The following TBC1D22A variants were observed in gnomAD, a reference collection of about 807,000 sequenced individuals.
TBC1D22A encodes TBC1 domain family member 22A, also known as putative GTPase activator.
TBC1D22A carries 38 observed loss-of-function variants against 60.2 expected under a neutral mutation model. That is an observed-to-expected ratio of 0.63 (90% confidence interval 0.49 to 0.83). The LOEUF (loss-of-function observed/expected upper bound fraction) is 0.83. Among genes scored for constraint, TBC1D22A ranks in the 40% least tolerant of loss-of-function variants. The pLI, the probability that TBC1D22A is intolerant of heterozygous loss-of-function variation, is 0.00. For synonymous variants in TBC1D22A, 302 were observed against 281.7 expected, an observed-to-expected ratio of 1.07 and a Z score of -0.72; for missense variants, 628 against 701.0, an observed-to-expected ratio of 0.90 and a Z score of 1.18.
At chr22:47,087,438 A>G (rs1238971792) in intron 11 of TBC1D22A, among the ~76,000 whole-genome samples, 1 of 152,228 alleles carries the variant, frequency 6.6e-6, no homozygotes, top group African/African-American at 2.4e-5. Flanking sequence ...AAGAGAACCT[A>G]AACTATGTGT....
At chr22:47,108,821 G>A (rs2065736630) in intron 11 of TBC1D22A, among the ~76,000 whole-genome samples, 2 of 152,060 alleles carry the variant, frequency 1.3e-5, no homozygotes, top group Admixed American at 6.6e-5. Context: ...TCAGCCTGCC[G>A]AGTAGCTGGG....
rs114855910 is a variant in TBC1D22A, at chr22:46,965,720, C to T, written c.1016-8570C>T. 3.9e-3 allele frequency among the ~76,000 whole-genome samples: 597 copies of T among 152,344 alleles called. 4 individuals are homozygous for T. The highest frequency in any genetic ancestry group is 0.013 in the African/African-American group (559 of 41,584). On this transcript the variant is annotated intron_variant, in intron 8 of 12. Transcript: ENST00000337137. ...GGTGACATCTCGGCAGCAGGCACGACGTCTGCCTCATCCCGTCCCTGTGGC... is the reference window on the plus strand; with the variant it reads ...GGTGACATCTCGGCAGCAGGCACGATGTCTGCCTCATCCCGTCCCTGTGGC...
chr22:46,894,509 G>A (rs1385674398), intron 6 of TBC1D22A, among the ~76,000 whole-genome samples: 2 of 152,192 alleles, frequency 1.3e-5, no homozygotes, highest in Non-Finnish European at 2.9e-5. Context: ...AGCAGCCGAG[G>A]CCTGCTCTGT....
At chr22:46,765,227 T>C (rs983530129) in intron 1 of TBC1D22A, among the ~76,000 whole-genome samples, 2 of 152,216 alleles carry the variant, frequency 1.3e-5, no homozygotes, top group African/African-American at 4.8e-5. Flanking sequence ...GTCTTGTGGC[T>C]CAAGCCTCTG....
chr22:46,941,697 T>A (rs369839219), intron 8 of TBC1D22A, among the ~76,000 whole-genome samples: 2,809 of 60,702 alleles, frequency 0.046, 306 homozygotes, highest in African/African-American at 0.17. Context: ...TATACGCGGA[T>A]TATATATGCG....
At chr22:46,994,257 G>T (rs1436783328) in intron 9 of TBC1D22A, among the ~76,000 whole-genome samples, 1 of 152,204 alleles carries the variant, frequency 6.6e-6, no homozygotes, top group African/African-American at 2.4e-5. Context: ...CTAAAATCCT[G>T]TCTTAGTGGG....
At chr22:46,937,756 G>T (rs956965816) in intron 8 of TBC1D22A, among the ~76,000 whole-genome samples, 1 of 152,034 alleles carries the variant, frequency 6.6e-6, no homozygotes, top group Admixed American at 6.6e-5. Context: ...ATGTGATATT[G>T]ATGATCCTGT....
intron 8 of TBC1D22A, among the ~76,000 whole-genome samples, chr22:46,963,697 A>G (rs1482214531): frequency 2.0e-5 from 3 of 152,252 alleles, no homozygotes; most frequent in South Asian, 4.1e-4. Flanking sequence ...CACTCCGGGC[A>G]GGACATGGGG....
At chr22:47,166,143 G>A (rs1483077243) in intron 12 of TBC1D22A, among the ~76,000 whole-genome samples, 3 of 152,152 alleles carry the variant, frequency 2.0e-5, no homozygotes, top group African/African-American at 7.2e-5. Context: ...GACGAGTTTT[G>A]CCACTGCACG....
At chr22:46,818,894 A>G (rs2085710998) in intron 4 of TBC1D22A, among the ~76,000 whole-genome samples, 2 of 151,866 alleles carry the variant, frequency 1.3e-5, no homozygotes, top group African/African-American at 4.8e-5. Flanking sequence ...CTTTGTTTAT[A>G]TTCTGTTACT....
At chr22:46,912,267 A>G (rs1305421147) in intron 8 of TBC1D22A, 79 bp downstream of exon 8, 2 of 1,043,354 alleles carry the variant, frequency 1.9e-6, no homozygotes, top group Non-Finnish European at 2.9e-6. Context: ...AACAATATTG[A>G]AAATTGCTAC....
intron 4 of TBC1D22A, among the ~76,000 whole-genome samples, chr22:46,871,399 C>A (rs1431957961): frequency 6.6e-6 from 1 of 152,224 alleles, no homozygotes; most frequent in East Asian, 1.9e-4. Flanking sequence ...CATCTACTAA[C>A]TGATAATGCA....
In TBC1D22A at chr22:47,050,304, C is replaced by T. The variant is rs4823587; in HGVS notation, c.1329+13106C>T. On this transcript the variant is annotated intron_variant, in intron 11 of 12. Transcript: ENST00000337137. ...ACAGACATGAGCCACCGCGCCTGGC[C>T]GAGAGGGGGCATTTCTTTACCGTCA... 2.6e-3 allele frequency among the ~76,000 whole-genome samples: 383 copies of T among 149,022 alleles called. 8 individuals carry two copies. The East Asian group carries it at 0.038, about 15-fold the overall frequency.
chr22:46,768,734 C>T (rs985772821), intron 1 of TBC1D22A, among the ~76,000 whole-genome samples: 1 of 152,110 alleles, frequency 6.6e-6, no homozygotes, highest in Non-Finnish European at 1.5e-5. Context: ...CTCCGCCTGG[C>T]AGGGTGTGGT....
intron 11 of TBC1D22A, among the ~76,000 whole-genome samples, chr22:47,054,829 T>TC (rs1337426374): frequency 6.6e-6 from 1 of 152,142 alleles, no homozygotes; most frequent in African/African-American, 2.4e-5. Flanking sequence ...CCCTCAAGTC[T>TC]CCCTACTTCC....
chr22:46,865,076 G>A (rs10427879), intron 4 of TBC1D22A, among the ~76,000 whole-genome samples: 1,894 of 152,260 alleles, frequency 0.012, 31 homozygotes, highest in African/African-American at 0.044. Flanking sequence ...TGAAATCTTT[G>A]CCTAACATCC....
rs562527086 is a variant in TBC1D22A at position 47,074,035 on chromosome 22, G to A, written c.1329+36837G>A. 3.3e-5 allele frequency among the ~76,000 whole-genome samples: 5 copies of A among 152,276 alleles called. No individual in the cohort carries two copies. In the East Asian group the frequency reaches 7.7e-4, roughly 24 times the overall value. On this transcript the variant is annotated intron_variant, in intron 11 of 12. Transcript: ENST00000337137. ...ACTCGGGAGGATCAGTCGGGCCCCG[G>A]AGGTTGAGGCTGCAGTGAGCTATGA... is the stretch of plus-strand genomic sequence containing the variant.
intron 1 of TBC1D22A, among the ~76,000 whole-genome samples, chr22:46,791,131 A>G (rs535057922): frequency 3.9e-5 from 6 of 151,996 alleles, no homozygotes; most frequent in Admixed American, 6.6e-5. Flanking sequence ...GCTCACTGCA[A>G]CCTCAGCCTC....
chr22:46,784,176 G>A (rs1439105775), intron 1 of TBC1D22A, among the ~76,000 whole-genome samples: 2 of 152,076 alleles, frequency 1.3e-5, no homozygotes, highest in East Asian at 3.9e-4. Flanking sequence ...CTTGTGAGTG[G>A]CAGGGGCTCC....
Sources: allele counts gnomAD v4.1 joint callset (sites outside exome capture counted in the v4.1 genomes callset), GRCh38; gene constraint gnomAD v4.1.1; transcripts MANE v1.5; gene names NCBI Gene and HGNC (gene_info 2026-07-23, HGNC 2026-07-21).